SHQ1: variants seen among roughly 807,000 people sequenced by gnomAD.
SHQ1 encodes protein SHQ1 homolog.
Under a neutral mutation model 53.8 loss-of-function variants are expected in SHQ1, and 49 were observed. The ratio of observed to expected loss-of-function variants is 0.91; its 90% CI spans 0.72 to 1.16. SHQ1 has a LOEUF of 1.16. SHQ1 is among the 50% of genes most tolerant of loss of function. The probability of loss-of-function intolerance (pLI) is 0.00; values close to 1 mark genes in which losing one functional copy is unlikely to be tolerated. For synonymous variants in SHQ1, 243 were observed against 251.0 expected, an observed-to-expected ratio of 0.97 and a Z score of 0.30; for missense variants, 738 against 683.1, an observed-to-expected ratio of 1.08 and a Z score of -0.90.
chr3:72,803,342 G>A (rs1055300471), intron 9 of SHQ1, among the ~76,000 whole-genome samples: 6 of 152,078 alleles, frequency 3.9e-5, no homozygotes, highest in Non-Finnish European at 8.8e-5. Context: ...GTTCACACAG[G>A]CCTCATTAGT....
the SHQ1 span, among the ~76,000 whole-genome samples, chr3:72,735,333 G>A: frequency 4.2e-4 from 62 of 148,858 alleles, 1 homozygote; most frequent in African/African-American, 1.5e-3. Flanking sequence ...TGTGCCTACA[G>A]TTGGCTTCCA....
chr3:72,772,648 G>A, intron 10 of SHQ1: 5 of 711,990 alleles, frequency 7.0e-6, no homozygotes, highest in Non-Finnish European at 1.1e-5. Flanking sequence ...AACAGAAGAT[G>A]TACTAGACAA....
the SHQ1 span, among the ~76,000 whole-genome samples, chr3:72,727,872 A>G: frequency 1.1e-4 from 16 of 152,260 alleles, no homozygotes; most frequent in African/African-American, 3.6e-4. Flanking sequence ...ATCAGCACAC[A>G]CATGCCACCC....
At position 72,750,068 on chromosome 3, in the gene SHQ1, T is replaced by A; in HGVS notation, c.*216A>T. ...TCATACTGTATTATTTAGAGAATAA[T>A]AACAAGAAAAAAGTCTGTACATGTT... On this transcript the variant is annotated 3_prime_UTR_variant, in exon 11 of 11. Coordinates refer to ENST00000325599, the MANE Select transcript of SHQ1 (RefSeq NM_018130.3). 1 of 546,814 alleles carries A rather than the reference T, an allele frequency of 1.8e-6. No individual in the cohort carries two copies. The highest frequency in any genetic ancestry group is 3.2e-6 in the Non-Finnish European group (1 of 311,894). The allele number at this position is 546,814 out of a possible 1,614,324, so 33.9% of individuals were successfully genotyped here.
intron 10 of SHQ1, among the ~76,000 whole-genome samples, chr3:72,780,588 T>A (rs1477253003): frequency 6.6e-6 from 1 of 152,212 alleles, no homozygotes; most frequent in Non-Finnish European, 1.5e-5. Context: ...GCCAAAAGAA[T>A]GTGTCTTTGG....
chr3:72,817,177 C>A, intron 7 of SHQ1, 53 bp downstream of exon 7: 1 of 1,546,992 alleles, frequency 6.5e-7, no homozygotes, highest in Non-Finnish European at 8.8e-7. Flanking sequence ...TGCTTTAATG[C>A]AGTTTACTCA....
At chr3:72,827,705 T>C (rs557615361) in intron 5 of SHQ1, among the ~76,000 whole-genome samples, 1 of 152,086 alleles carries the variant, frequency 6.6e-6, no homozygotes, top group Admixed American at 6.5e-5. Context: ...TAAATTACTT[T>C]CAAGTTTTGT....
In SHQ1 at chr3:72,815,856, T is replaced by C. The variant is rs1707296549; in HGVS notation, c.883-453A>G. Among the ~76,000 whole-genome samples the C allele has an allele frequency of 4.6e-5, 7 of 152,304 alleles. 1 individual carries two copies. The South Asian group carries it at 1.4e-3, about 32-fold the overall frequency. On this transcript the variant is annotated intron_variant, in intron 7 of 10. Coordinates refer to ENST00000325599, the MANE Select transcript of SHQ1 (RefSeq NM_018130.3). ...TTCAGAGAATGCTGGTGAGAATAAGTAAATGCTAGAGAAGGTCTCAAGTTG... is the reference window on the plus strand; with the variant it reads ...TTCAGAGAATGCTGGTGAGAATAAGCAAATGCTAGAGAAGGTCTCAAGTTG...
rs80276312 is a variant in SHQ1, at chr3:72,829,045, A to G, written c.599+3324T>C. On this transcript the variant is annotated intron_variant, in intron 5 of 10. Coordinates refer to ENST00000325599, the MANE Select transcript of SHQ1 (RefSeq NM_018130.3). The stretch of plus-strand genomic sequence containing the variant: ...ATGAGGGCCAGAAACTGATGAAGTG[A>G]AAAAAAAAAAAAATACTACAGAGAA... Among the ~76,000 whole-genome samples the G allele has an allele frequency of 7.3e-5, 10 of 136,866 alleles. No homozygotes were observed. The East Asian group carries it at 8.0e-4, about 11-fold the overall frequency. 89.8% of individuals were successfully genotyped at this position (136,866 alleles called of 152,430 possible). A position where few individuals can be genotyped will look rare whatever the true frequency, so the allele number is the denominator to read the frequency against.
the SHQ1 span, among the ~76,000 whole-genome samples, chr3:72,725,327 C>T: frequency 1.3e-5 from 2 of 152,172 alleles, no homozygotes; most frequent in Non-Finnish European, 2.9e-5. Context: ...CACTCTCTTC[C>T]CTCATTCTCC....
intron 10 of SHQ1, among the ~76,000 whole-genome samples, chr3:72,755,242 TGATGGATG>T (rs887843181): frequency 6.6e-6 from 1 of 151,568 alleles, no homozygotes; most frequent in African/African-American, 2.4e-5. Flanking sequence ...TACAATAAGT[TGATGGATG>T]GATGGATGGA....
In SHQ1 at chr3:72,750,462, T is replaced by C. The variant is rs776269825; in HGVS notation, c.1556A>G (p.Asp519Gly). Residue 519 changes from aspartate (D) to glycine (G), a missense_variant, in exon 11 of 11, where the codon GAT becomes GGT. Asp to Gly is a moderately conservative substitution (Grantham distance 94, BLOSUM62 -1). Coordinates refer to ENST00000325599, the MANE Select transcript of SHQ1 (RefSeq NM_018130.3). ...VRRNTAIQES[D>G]ASQGKPLASS... Reference sequence around the variant, plus strand: ...GGCAAGTGGCTTTCCCTGACTGGCATCAGACTCCTGGATGGCTGTGTTTCT... The same window carrying C: ...GGCAAGTGGCTTTCCCTGACTGGCACCAGACTCCTGGATGGCTGTGTTTCT... The C allele has an allele frequency of 1.9e-6, 3 of 1,614,174 alleles. No individual in the cohort carries two copies. The highest frequency in any genetic ancestry group is 2.5e-6 in the Non-Finnish European group (3 of 1,180,028).
At position 72,764,443 on chromosome 3, in the gene SHQ1, T is replaced by C. The variant is rs550636496; in HGVS notation, c.1182-13607A>G. ...CTGACAAGTGGTCGTCTATAGAAAA[T>C]CAAACTTGGGAAAGTGTATTTTATG... On this transcript the variant is annotated intron_variant, in intron 10 of 10. Transcript: ENST00000325599. 2.0e-5 allele frequency among the ~76,000 whole-genome samples: 3 copies of C among 152,232 alleles called. No homozygotes were observed. In the South Asian group the frequency reaches 6.2e-4, roughly 32 times the overall value.
intron 5 of SHQ1, among the ~76,000 whole-genome samples, chr3:72,828,930 G>A (rs1415511507): frequency 1.3e-5 from 2 of 152,050 alleles, no homozygotes; most frequent in African/African-American, 4.8e-5. Context: ...TCATACTAAT[G>A]GTTCATGGTT....
At chr3:72,752,868 T>G in intron 10 of SHQ1, 1 of 465,340 alleles carries the variant, frequency 2.1e-6, no homozygotes. Flanking sequence ...TTTCACCATG[T>G]TGGCCGAGAT....
intron 10 of SHQ1, among the ~76,000 whole-genome samples, chr3:72,770,792 G>A (rs552322601): frequency 5.2e-4 from 79 of 152,334 alleles, no homozygotes; most frequent in African/African-American, 1.9e-3. Context: ...GGAGGAAAGT[G>A]ATGAAACCAT....
intron 4 of SHQ1, among the ~76,000 whole-genome samples, chr3:72,836,088 T>C (rs1330205518): frequency 6.6e-6 from 1 of 152,238 alleles, no homozygotes; most frequent in Admixed American, 6.5e-5. Flanking sequence ...CTAGAGGGCC[T>C]GCTATGGAGT....
chr3:72,775,664 G>C (rs1705944456), intron 10 of SHQ1, among the ~76,000 whole-genome samples: 1 of 152,054 alleles, frequency 6.6e-6, no homozygotes, highest in Non-Finnish European at 1.5e-5. Context: ...GAGTTTGCAA[G>C]CCAAATCCAG....
chr3:72,810,064 C>G (rs1336322697), intron 9 of SHQ1: 3 of 151,840 alleles, frequency 2.0e-5, no homozygotes, highest in African/African-American at 7.3e-5. Flanking sequence ...CTAAGTGATG[C>G]TCCCATGAAA....
Sources: gnomAD v4.1 joint callset for allele counts (sites outside exome capture counted in the v4.1 genomes callset) on GRCh38, gnomAD v4.1.1 for gene constraint, MANE v1.5 for transcripts, NCBI Gene and HGNC (gene_info 2026-07-23, HGNC 2026-07-21) for gene names.